The following GSE1 variants were observed in gnomAD, a reference collection of about 807,000 sequenced individuals.
GSE1 encodes Gse1 coiled-coil protein, also known as genetic suppressor element 1.
A neutral mutation model predicts 112.6 loss-of-function variants in GSE1; 32 were observed. The ratio of observed to expected loss-of-function variants is 0.28; its 90% CI spans 0.21 to 0.38. The LOEUF is 0.38. Ranked by LOEUF, GSE1 falls within the 10% of genes least tolerant of loss-of-function variation. The pLI is 1.00. For synonymous variants in GSE1, 1,115 were observed against 735.6 expected (o/e 1.52, Z -8.35); for missense variants, 2,348 against 1,699.2 (o/e 1.38, Z -6.71).
intron 2 of GSE1, among the ~76,000 whole-genome samples, chr16:85,514,415 A>C (rs1598021866): frequency 3.8e-5 from 4 of 105,926 alleles, no homozygotes; most frequent in East Asian, 3.1e-4. Context: ...GGATGCCCGC[A>C]TGCTCTCGAG....
At chr16:85,363,199 T>C (rs1430109972) in intron 2 of GSE1, among the ~76,000 whole-genome samples, 5 of 152,172 alleles carry the variant, frequency 3.3e-5, no homozygotes, top group Non-Finnish European at 7.3e-5. Context: ...GGGGTGGGGT[T>C]GCAGAAAACC....
chr16:85,214,312 C>A (rs2075274589), intron 1 of GSE1, among the ~76,000 whole-genome samples: 1 of 152,110 alleles, frequency 6.6e-6, no homozygotes, highest in African/African-American at 2.4e-5. Context: ...GGGTCTTTGC[C>A]CATGCATGAA....
At chr16:85,289,976 C>T (rs914745266) in intron 1 of GSE1, among the ~76,000 whole-genome samples, 1 of 152,154 alleles carries the variant, frequency 6.6e-6, no homozygotes, top group Non-Finnish European at 1.5e-5. Flanking sequence ...TTTTAACAAG[C>T]GTGTCCTTGC....
chr16:85,347,719 C>T lies in GSE1; in HGVS notation c.2284-9744C>T, dbSNP rs540492304. On this transcript the variant is annotated intron_variant, in intron 1 of 2. Transcript: ENST00000637419. ...TAAGGCTTAAATGGGTCAGCCCCTG[C>T]AGGGACAAGCTCAGGCCTGGCCCTC... is the stretch of plus-strand genomic sequence containing the variant. 2.6e-5 allele frequency among the ~76,000 whole-genome samples: 4 copies of T among 152,324 alleles called. No homozygotes were observed. In the East Asian group the frequency reaches 7.7e-4, roughly 29 times the overall value.
intron 14 of GSE1, among the ~76,000 whole-genome samples, chr16:85,669,159 A>AG (rs2053125213): frequency 6.6e-6 from 1 of 152,252 alleles, no homozygotes; most frequent in Non-Finnish European, 1.5e-5. Flanking sequence ...GATATTGCAC[A>AG]GGCCCCTTTG....
At chr16:85,430,046 T>G (rs2049083169) in intron 2 of GSE1, among the ~76,000 whole-genome samples, 1 of 152,204 alleles carries the variant, frequency 6.6e-6, no homozygotes, top group Non-Finnish European at 1.5e-5. Flanking sequence ...TCTCTTCACC[T>G]CCTAGTCCTC....
chr16:85,399,718 G>A (rs1471935667), intron 2 of GSE1, among the ~76,000 whole-genome samples: 2 of 152,332 alleles, frequency 1.3e-5, no homozygotes, highest in East Asian at 1.9e-4. Context: ...ACAGTGAAAC[G>A]GGCAAGGATA....
exon 1 of GSE1, chr16:85,169,960 A>T: frequency 1.0e-6 from 1 of 984,422 alleles, no homozygotes; most frequent in Non-Finnish European, 1.2e-6. Flanking sequence ...CGCGCTGGGC[A>T]GCGCCACCGG....
chr16:85,381,022 G>C (rs2047534961), intron 2 of GSE1, among the ~76,000 whole-genome samples: 1 of 152,228 alleles, frequency 6.6e-6, no homozygotes, highest in Admixed American at 6.5e-5. Flanking sequence ...TCACAGTGCT[G>C]TGCAAACACC....
intron 2 of GSE1, among the ~76,000 whole-genome samples, chr16:85,644,951 G>C (rs944247625): frequency 6.6e-6 from 1 of 151,796 alleles, no homozygotes; most frequent in African/African-American, 2.4e-5. Context: ...AATACATACA[G>C]AAAAGCGCCT....
intron 1 of GSE1, among the ~76,000 whole-genome samples, chr16:85,308,481 C>T (rs1414447206): frequency 6.6e-6 from 1 of 152,226 alleles, no homozygotes; most frequent in African/African-American, 2.4e-5. Context: ...AACAGGAATA[C>T]GGAGGGCTTC....
intron 1 of GSE1, among the ~76,000 whole-genome samples, chr16:85,601,171 C>T (rs571939894): frequency 6.6e-6 from 1 of 152,070 alleles, no homozygotes; most frequent in South Asian, 2.1e-4. Context: ...TCTAGAGAGA[C>T]TGTGAGACGC....
At chr16:85,426,073 G>GGATGGATGGAA (rs55915425) in intron 2 of GSE1, among the ~76,000 whole-genome samples, 1 of 130,950 alleles carries the variant, frequency 7.6e-6, no homozygotes, top group Middle Eastern at 3.7e-3. Context: ...ATGGATGGAT[G>GGATGGATGGAA]GGTAGATGGA....
Position 85,672,678 on chromosome 16 carries a change from G to A in GSE1, c.*139G>A. 1.8e-6 allele frequency: 1 copy of A among 545,988 alleles called. No individual in the cohort carries two copies. Among genetic ancestry groups the A allele is most frequent in the Non-Finnish European group, 2.9e-6 (1 of 340,138 alleles). The allele number at this position is 545,988 out of a possible 1,614,324, so 33.8% of individuals were successfully genotyped here. A position where few individuals can be genotyped will look rare whatever the true frequency, so the allele number is the denominator to read the frequency against. On this transcript the variant is annotated 3_prime_UTR_variant, in exon 16 of 16. Transcript: ENST00000253458. ...CCATGCATGAAGCAAAGGATTCCAGGCTCCAGAAAAAATGAATGAACTCAC... is the reference window on the plus strand; with the variant it reads ...CCATGCATGAAGCAAAGGATTCCAGACTCCAGAAAAAATGAATGAACTCAC...
At chr16:85,611,863 G>C (rs1010741129), upstream of GSE1, among the ~76,000 whole-genome samples, 11 of 152,000 alleles carry the variant, frequency 7.2e-5, no homozygotes, top group African/African-American at 2.7e-4. Context: ...GGCGCGGGGA[G>C]GGGGAGGGAG....
intron 1 of GSE1, among the ~76,000 whole-genome samples, chr16:85,312,518 G>T (rs1414792835): frequency 6.6e-6 from 1 of 152,144 alleles, no homozygotes; most frequent in Admixed American, 6.5e-5. Context: ...CTCATTGTAA[G>T]GACGCTAGTT....
intron 1 of GSE1, among the ~76,000 whole-genome samples, chr16:85,182,456 G>C (rs192286553): frequency 1.4e-3 from 207 of 152,316 alleles, no homozygotes; most frequent in African/African-American, 4.8e-3. Flanking sequence ...GTCCCTGCAG[G>C]GGGGATCGCT....
intron 8 of GSE1, among the ~76,000 whole-genome samples, chr16:85,658,913 G>A (rs953008422): frequency 6.6e-6 from 1 of 152,246 alleles, no homozygotes; most frequent in Non-Finnish European, 1.5e-5. Flanking sequence ...GGCATGATGG[G>A]AAGCAGGGCC....
At chr16:85,254,856 C>T (rs902134196) in intron 1 of GSE1, among the ~76,000 whole-genome samples, 5 of 152,254 alleles carry the variant, frequency 3.3e-5, no homozygotes, top group Admixed American at 6.5e-5. Flanking sequence ...ACACCTGCAG[C>T]AGCCGAGGCT....
Sources: allele counts gnomAD v4.1 joint callset (sites outside exome capture counted in the v4.1 genomes callset), GRCh38; gene constraint gnomAD v4.1.1; transcripts MANE v1.5; gene names NCBI Gene and HGNC (gene_info 2026-07-23, HGNC 2026-07-21).